Variants in IMMP2L observed in about 807,000 individuals in gnomAD.
The protein encoded by IMMP2L is inner mitochondrial membrane peptidase subunit 2.
IMMP2L carries 18 observed loss-of-function variants against 19.3 expected under a neutral mutation model. That is an observed-to-expected ratio of 0.93 (90% CI 0.64 to 1.38). The LOEUF is 1.38. Among genes scored for constraint, IMMP2L ranks in the 40% most tolerant of loss-of-function variants. The pLI is 0.00. For missense variants in IMMP2L, 233 were observed against 218.2 expected, an observed-to-expected ratio of 1.07 and a Z score of -0.43; for synonymous variants, 76 against 73.0, an observed-to-expected ratio of 1.04 and a Z score of -0.21.
intron 5 of IMMP2L, among the ~76,000 whole-genome samples, chr7:110,699,507 C>T (rs992433361): frequency 7.2e-5 from 11 of 152,176 alleles, no homozygotes; most frequent in Admixed American, 4.6e-4. Context: ...AGCAGTGGCT[C>T]GCGCCTTAAT....
At chr7:110,949,858 G>T (rs1817615213) in intron 4 of IMMP2L, among the ~76,000 whole-genome samples, 1 of 152,258 alleles carries the variant, frequency 6.6e-6, no homozygotes, top group East Asian at 1.9e-4. Flanking sequence ...TCCATGGAAA[G>T]TTTTAAAAGT....
At chr7:111,398,068 T>C (rs1165400775) in intron 3 of IMMP2L, among the ~76,000 whole-genome samples, 1 of 152,168 alleles carries the variant, frequency 6.6e-6, no homozygotes, top group Non-Finnish European at 1.5e-5. Flanking sequence ...ATCATGTTTT[T>C]TTCAGACAAA....
chr7:111,114,892 C>T (rs1799689652), intron 3 of IMMP2L, among the ~76,000 whole-genome samples: 1 of 152,066 alleles, frequency 6.6e-6, no homozygotes, highest in Non-Finnish European at 1.5e-5. Flanking sequence ...AGGTCTCCTC[C>T]TAACTCCCGG....
At chr7:111,425,463 A>C (rs895164326) in intron 3 of IMMP2L, among the ~76,000 whole-genome samples, 7 of 151,140 alleles carry the variant, frequency 4.6e-5, no homozygotes, top group African/African-American at 1.7e-4. Context: ...AACAATACGC[A>C]TGTTGAAAGT....
At chr7:111,179,358 A>G (rs1029914826) in intron 3 of IMMP2L, among the ~76,000 whole-genome samples, 1 of 152,084 alleles carries the variant, frequency 6.6e-6, no homozygotes, top group African/African-American at 2.4e-5. Context: ...AACTTTCTTA[A>G]AACATTATGA....
intron 3 of IMMP2L, among the ~76,000 whole-genome samples, chr7:111,129,948 T>C (rs914528921): frequency 1.3e-5 from 2 of 152,152 alleles, no homozygotes; most frequent in East Asian, 1.9e-4. Context: ...ATTTCCAAAA[T>C]TTGGCCTAAA....
chr7:111,260,110 T>C (rs1487729835), intron 3 of IMMP2L, among the ~76,000 whole-genome samples: 2 of 152,204 alleles, frequency 1.3e-5, no homozygotes, highest in African/African-American at 4.8e-5. Context: ...TCTAAAATGA[T>C]TAAAAGTATA....
At chr7:111,139,484 T>C (rs2129597589) in intron 3 of IMMP2L, among the ~76,000 whole-genome samples, 1 of 152,242 alleles carries the variant, frequency 6.6e-6, no homozygotes, top group East Asian at 1.9e-4. Context: ...TTCCCTGAAA[T>C]AATTGAGAAT....
chr7:111,501,202 C>T (rs1314361655), intron 2 of IMMP2L, among the ~76,000 whole-genome samples: 1 of 151,788 alleles, frequency 6.6e-6, no homozygotes, highest in African/African-American at 2.4e-5. Context: ...CCGATGCGAT[C>T]AACTGGAAGA....
chr7:111,372,497 C>T (rs995121620), intron 3 of IMMP2L, among the ~76,000 whole-genome samples: 2 of 151,968 alleles, frequency 1.3e-5, no homozygotes, highest in Non-Finnish European at 2.9e-5. Context: ...CACACAACCA[C>T]AAAATGAGCC....
At chr7:110,752,917 G>A (rs1797811175) in intron 5 of IMMP2L, among the ~76,000 whole-genome samples, 1 of 152,054 alleles carries the variant, frequency 6.6e-6, no homozygotes, top group Non-Finnish European at 1.5e-5. Context: ...TTTTACCAAT[G>A]AAGAAGTAAA....
At chr7:110,776,129 C>G (rs928880623) in intron 5 of IMMP2L, among the ~76,000 whole-genome samples, 10 of 151,852 alleles carry the variant, frequency 6.6e-5, no homozygotes, top group African/African-American at 2.2e-4. Flanking sequence ...CTAATGTACA[C>G]CCTATGGATG....
At chr7:111,530,931 A>G (rs1339234575) in intron 1 of IMMP2L, among the ~76,000 whole-genome samples, 1 of 152,024 alleles carries the variant, frequency 6.6e-6, no homozygotes, top group Non-Finnish European at 1.5e-5. Flanking sequence ...CTATATTAAG[A>G]CAAGTGAGAC....
chr7:110,851,473 CGTT>C (rs1383634453), intron 5 of IMMP2L, among the ~76,000 whole-genome samples: 1 of 152,068 alleles, frequency 6.6e-6, no homozygotes, highest in Non-Finnish European at 1.5e-5. Context: ...TGTCCTGAGA[CGTT>C]GTTTATGTTG....
chr7:111,310,296 G>A (rs1375458378), intron 3 of IMMP2L, among the ~76,000 whole-genome samples: 1 of 149,828 alleles, frequency 6.7e-6, no homozygotes, highest in African/African-American at 2.5e-5. Flanking sequence ...TTAATTCTGA[G>A]ACTGGATCCA....
chr7:110,677,001 G>A (rs1792347670), intron 5 of IMMP2L, among the ~76,000 whole-genome samples: 1 of 152,174 alleles, frequency 6.6e-6, no homozygotes, highest in South Asian at 2.1e-4. Flanking sequence ...TGCAACAAGT[G>A]GAGGGATGTC....
chr7:111,479,012 T>C (rs112119970), intron 3 of IMMP2L, among the ~76,000 whole-genome samples: 4 of 152,328 alleles, frequency 2.6e-5, no homozygotes, highest in African/African-American at 9.6e-5. Flanking sequence ...AGTAGTGGCC[T>C]ATTTATAGTT....
intron 3 of IMMP2L, among the ~76,000 whole-genome samples, chr7:111,105,704 T>C (rs1798469951): frequency 6.6e-6 from 1 of 151,828 alleles, no homozygotes; most frequent in African/African-American, 2.4e-5. Context: ...ATGGGCTTGC[T>C]CTCTGTTGTT....
intron 5 of IMMP2L, among the ~76,000 whole-genome samples, chr7:110,867,612 A>G (rs1290970892): frequency 6.6e-6 from 1 of 151,220 alleles, no homozygotes; most frequent in Non-Finnish European, 1.5e-5. Context: ...TTTTTTTTTG[A>G]TAAGTTTCTG....
Sources: gnomAD v4.1 joint callset for allele counts (sites outside exome capture counted in the v4.1 genomes callset) on GRCh38, gnomAD v4.1.1 for gene constraint, MANE v1.5 for transcripts, NCBI Gene and HGNC (gene_info 2026-07-23, HGNC 2026-07-21) for gene names.